The following HIVEP1 variants were observed in gnomAD, a reference collection of about 807,000 sequenced individuals.
HIVEP1 encodes HIVEP zinc finger 1, also known as zinc finger protein 40.
A neutral mutation model predicts 180.0 loss-of-function variants in HIVEP1; 36 were observed. That is an observed-to-expected ratio of 0.20 (90% CI 0.15 to 0.26). HIVEP1 has a LOEUF of 0.26. Ranked by LOEUF, HIVEP1 falls within the 10% of genes least tolerant of loss-of-function variation. The probability of loss-of-function intolerance (pLI) is 1.00; values close to 1 mark genes in which losing one functional copy is unlikely to be tolerated. For synonymous variants in HIVEP1, 1,239 were observed against 1,239.0 expected (o/e 1.00, Z 0.00); for missense variants, 3,143 against 3,268.7 (o/e 0.96, Z 0.94).
chr6:12,107,451 G>A (rs536879769), intron 3 of HIVEP1, among the ~76,000 whole-genome samples: 4 of 152,184 alleles, frequency 2.6e-5, no homozygotes, highest in African/African-American at 9.7e-5. Flanking sequence ...GTGGCTAAAG[G>A]TTGGGTGGCT....
chr6:12,164,632 A>G lies in HIVEP1; in HGVS notation c.*171A>G. 1.7e-6 allele frequency: 1 copy of G among 598,652 alleles called. No individual in the cohort carries two copies. The highest frequency in any genetic ancestry group is 2.9e-6 in the Non-Finnish European group (1 of 347,374). 37.1% of individuals were successfully genotyped at this position (598,652 alleles called of 1,614,324 possible). ...TTGTGTCAGCTCCAGCCATTTTTGT[A>G]CATGTTGTATAGACAATTGTGCCTT... On this transcript the variant is annotated 3_prime_UTR_variant, in exon 9 of 9. Transcript: ENST00000379388.
chr6:12,120,203 T>C lies in HIVEP1; in HGVS notation c.408T>C (p.Phe136=). The C allele has an allele frequency of 6.2e-7, 1 of 1,614,208 alleles. No individual in the cohort carries two copies. The highest frequency in any genetic ancestry group is 8.5e-7 in the Non-Finnish European group (1 of 1,180,036). ...EESVSPKKPL[F]LQQPSELRRW... is the part of the protein sequence containing the mutation. ...CTGTCTCCCCAAAGAAGCCCTTGTT[T>C]CTGCAGCAACCATCTGAACTGCGTA... Residue 136 remains phenylalanine (F), a synonymous_variant, in exon 4 of 9, where the codon TTT becomes TTC. Coordinates refer to ENST00000379388, the MANE Select transcript of HIVEP1 (RefSeq NM_002114.4).
At position 12,163,479 on chromosome 6, in the gene HIVEP1, C is replaced by T. The variant is rs1026328229; in HGVS notation, c.7175C>T (p.Ser2392Leu). Residue 2392 changes from serine (S) to leucine (L), a missense_variant, in exon 9 of 9, where the codon TCG (serine) becomes TTG (leucine). This residue lies in a region of HIVEP1 where 595 missense variants were observed against 602.2 expected (regional missense o/e 0.99). Transcript: ENST00000379388. ...CTTCCTTTGCATTCCCAGCAGCAAT[C>T]GAGGACACCTTATAATATGGTTCCA... is the stretch of plus-strand genomic sequence containing the variant. ...SHLPLHSQQQ[S>L]RTPYNMVPVG... The T allele has an allele frequency of 8.7e-6, 14 of 1,614,178 alleles. No homozygotes were observed. The highest frequency in any genetic ancestry group is 2.2e-5 in the East Asian group (1 of 44,876).
chr6:12,014,977 C>T (rs1314480086), intron 1 of HIVEP1, among the ~76,000 whole-genome samples: 1 of 152,330 alleles, frequency 6.6e-6, no homozygotes, highest in East Asian at 1.9e-4. Context: ...GTGGTAATAA[C>T]TAAATGCTCC....
At chr6:12,011,580 C>T (rs1767308732), upstream of HIVEP1, among the ~76,000 whole-genome samples, 1 of 150,102 alleles carries the variant, frequency 6.7e-6, no homozygotes, top group Non-Finnish European at 1.5e-5. Context: ...CCCTCCCCCC[C>T]GGGCTGCGCT....
chr6:12,170,168 T>C, the HIVEP1 span, among the ~76,000 whole-genome samples: 1 of 151,600 alleles, frequency 6.6e-6, no homozygotes, highest in Non-Finnish European at 1.5e-5. Context: ...GCAAATTAAA[T>C]GATGCCTGTC....
upstream of HIVEP1, among the ~76,000 whole-genome samples, chr6:12,011,476 G>T (rs1048685796): frequency 6.7e-6 from 1 of 150,160 alleles, no homozygotes; most frequent in Non-Finnish European, 1.5e-5. Flanking sequence ...CCGGGGCCGC[G>T]TGACTGGCCG....
the HIVEP1 span, among the ~76,000 whole-genome samples, chr6:12,184,063 T>G: frequency 7.3e-6 from 1 of 136,300 alleles, no homozygotes; most frequent in African/African-American, 2.7e-5. Flanking sequence ...ACAGACAGAC[T>G]GATTTGGGGG....
chr6:12,191,452 G>A, the HIVEP1 span, among the ~76,000 whole-genome samples: 88 of 152,262 alleles, frequency 5.8e-4, no homozygotes, highest in African/African-American at 1.9e-3. Flanking sequence ...AAATTAGCCA[G>A]GTGTCGTGGT....
chr6:12,183,352 C>G, the HIVEP1 span, among the ~76,000 whole-genome samples: 2 of 152,124 alleles, frequency 1.3e-5, no homozygotes, highest in Non-Finnish European at 2.9e-5. Context: ...GAAGGAAAGG[C>G]AAATTTAAAG....
intron 3 of HIVEP1, among the ~76,000 whole-genome samples, chr6:12,102,278 A>G: frequency 6.6e-6 from 1 of 152,204 alleles, no homozygotes. Context: ...CCCAAGAACA[A>G]CAGAATACAC....
At chr6:12,152,708 C>T (rs1759780065) in intron 7 of HIVEP1, among the ~76,000 whole-genome samples, 1 of 152,176 alleles carries the variant, frequency 6.6e-6, no homozygotes, top group African/African-American at 2.4e-5. Context: ...AAACATCATT[C>T]TGTGCTTATC....
upstream of HIVEP1, chr6:12,012,050 G>GA (rs1289821980): frequency 1.4e-5 from 2 of 145,556 alleles, no homozygotes; most frequent in Non-Finnish European, 3.1e-5. Context: ...TGCCCCGGGG[G>GA]AGAGGTAAAG....
At chr6:12,139,767 A>C (rs1404519877) in intron 7 of HIVEP1, among the ~76,000 whole-genome samples, 1 of 152,256 alleles carries the variant, frequency 6.6e-6, no homozygotes, top group Non-Finnish European at 1.5e-5. Flanking sequence ...CCTGTGAGGC[A>C]GCAGCCTGGC....
At chr6:12,017,528 A>G (rs1767883177) in intron 2 of HIVEP1, among the ~76,000 whole-genome samples, 1 of 151,760 alleles carries the variant, frequency 6.6e-6, no homozygotes, top group Non-Finnish European at 1.5e-5. Context: ...AGGGGACCCA[A>G]GCAGTTGCAA....
chr6:12,128,819 C>T (rs1758248277), intron 4 of HIVEP1, among the ~76,000 whole-genome samples: 1 of 152,118 alleles, frequency 6.6e-6, no homozygotes, highest in Non-Finnish European at 1.5e-5. Flanking sequence ...TACCTTTTTT[C>T]CAGAGACTTA....
chr6:12,125,149 C>T lies in HIVEP1; in HGVS notation c.5354C>T (p.Ser1785Leu), dbSNP rs753060799. The T allele has an allele frequency of 6.2e-6, 10 of 1,613,506 alleles. No homozygotes were observed. The highest frequency in any genetic ancestry group is 1.3e-5 in the African/African-American group (1 of 74,822). Residue 1785 changes from serine to leucine, a missense_variant, in exon 4 of 9, where the codon TCG becomes TTG. Ser to Leu is a moderately radical substitution (Grantham distance 145, BLOSUM62 -2). Coordinates refer to ENST00000379388, the MANE Select transcript of HIVEP1 (RefSeq NM_002114.4). ...GTGAGACCTTTAGAGGCTTTGAGTT[C>T]GAGAGTTAATGAAGCTAGTAAACAG... ...TDVRPLEALS[S>L]RVNEASKQKK...
At chr6:12,011,270 T>TGCCCCCC (rs1767268015), upstream of HIVEP1, among the ~76,000 whole-genome samples, 2 of 71,632 alleles carry the variant, frequency 2.8e-5, no homozygotes, top group South Asian at 5.3e-4. Context: ...CCCCTTGGGG[T>TGCCCCCC]CCCCCCCCCC....
intron 2 of HIVEP1, among the ~76,000 whole-genome samples, chr6:12,072,089 T>C (rs1370874290): frequency 1.3e-5 from 2 of 152,066 alleles, no homozygotes; most frequent in African/African-American, 2.4e-5. Context: ...CTTCTTCTTT[T>C]TTTTTTTTTA....
Sources: gnomAD v4.1 joint callset for allele counts (sites outside exome capture counted in the v4.1 genomes callset) on GRCh38, gnomAD v4.1.1 for gene constraint, gnomAD v4.1.1 regional missense constraint, MANE v1.5 for transcripts, NCBI Gene and HGNC (gene_info 2026-07-23, HGNC 2026-07-21) for gene names.